The following MEIKIN variants were observed in gnomAD, a reference collection of about 807,000 sequenced individuals.
The protein encoded by MEIKIN is meiosis-specific kinetochore protein.
intron 11 of MEIKIN, among the ~76,000 whole-genome samples, chr5:131,835,194 G>GTATATATA (rs1561726796): frequency 7.9e-5 from 12 of 151,038 alleles, no homozygotes; most frequent in African/African-American, 2.9e-4. Flanking sequence ...ATATATGTGT[G>GTATATATA]TGTGTATATA....
chr5:131,909,951 C>A (rs1006781785), intron 8 of MEIKIN, among the ~76,000 whole-genome samples: 3 of 152,070 alleles, frequency 2.0e-5, no homozygotes, highest in Non-Finnish European at 2.9e-5. Flanking sequence ...GAAAAGGGAA[C>A]CCTCGTATAC....
intron 9 of MEIKIN, among the ~76,000 whole-genome samples, chr5:131,876,807 T>A (rs1750621701): frequency 1.3e-5 from 2 of 151,976 alleles, no homozygotes; most frequent in African/African-American, 4.8e-5. Context: ...CATGGAATAC[T>A]ATGCAGCCAT....
At chr5:131,884,083 A>G (rs2149630307) in intron 8 of MEIKIN, among the ~76,000 whole-genome samples, 1 of 141,518 alleles carries the variant, frequency 7.1e-6, no homozygotes, top group Non-Finnish European at 1.5e-5. Context: ...TTGAAAGTCT[A>G]GGCTACAAGG....
At chr5:131,839,303 T>C (rs1463575737) in intron 11 of MEIKIN, among the ~76,000 whole-genome samples, 1 of 152,136 alleles carries the variant, frequency 6.6e-6, no homozygotes. Flanking sequence ...ATGTGACATG[T>C]GGTGATGAGG....
intron 11 of MEIKIN, among the ~76,000 whole-genome samples, chr5:131,830,758 A>G (rs1749701013): frequency 1.3e-5 from 2 of 152,232 alleles, no homozygotes; most frequent in Admixed American, 1.3e-4. Context: ...CTCCCCTTCA[A>G]TCTAGACTGT....
At position 131,881,337 on chromosome 5, in the gene MEIKIN, C is replaced by T. The variant is rs183190486; in HGVS notation, c.704-2289G>A. On this transcript the variant is annotated intron_variant, in intron 8 of 12. Coordinates refer to ENST00000442687, the MANE Select transcript of MEIKIN (RefSeq NM_001303622.2). ...TTCCTTCCTTAAAACACTCTCCTCT[C>T]CTGGCTTCATCATTCTTTCCTGGTT... 6.4e-3 allele frequency among the ~76,000 whole-genome samples: 976 copies of T among 152,260 alleles called. 3 individuals carry two copies. The highest frequency in any genetic ancestry group is 0.027 in the Middle Eastern group (8 of 294).
chr5:131,876,424 T>G lies in MEIKIN; in HGVS notation c.774+2554A>C, dbSNP rs1010136960. Among the ~76,000 whole-genome samples the G allele has an allele frequency of 2.7e-5, 4 of 150,014 alleles. No individual in the cohort carries two copies. The East Asian group carries it at 5.8e-4, about 22-fold the overall frequency. On this transcript the variant is annotated intron_variant, in intron 9 of 12. Transcript: ENST00000442687. ...TCATCATCACTGGTCATCAGAGAAA[T>G]GCAAATCAAAACCACAATGAGATAC...
chr5:131,872,233 G>A (rs1056702419), intron 9 of MEIKIN, among the ~76,000 whole-genome samples: 83 of 102,786 alleles, frequency 8.1e-4, no homozygotes, highest in African/African-American at 3.0e-3. Context: ...CAATGGCAAA[G>A]AAGTTAAAAA....
At chr5:131,934,840 G>A (rs867810010) in intron 4 of MEIKIN, among the ~76,000 whole-genome samples, 13 of 151,666 alleles carry the variant, frequency 8.6e-5, no homozygotes, top group African/African-American at 2.4e-4. Context: ...GGCAGATCAC[G>A]AGGTCAAGAG....
At chr5:131,930,868 T>A (rs1299132787) in intron 5 of MEIKIN, among the ~76,000 whole-genome samples, 1 of 152,178 alleles carries the variant, frequency 6.6e-6, no homozygotes, top group Non-Finnish European at 1.5e-5. Flanking sequence ...TTTGTTGAAA[T>A]TCTTATTTGG....
At chr5:131,880,925 C>T (rs1474767083) in intron 8 of MEIKIN, among the ~76,000 whole-genome samples, 1 of 152,156 alleles carries the variant, frequency 6.6e-6, no homozygotes, top group Non-Finnish European at 1.5e-5. Flanking sequence ...TTAGGACATA[C>T]TTATCTTAAA....
chr5:131,908,156 T>G (rs1751273977), intron 8 of MEIKIN, among the ~76,000 whole-genome samples: 1 of 152,068 alleles, frequency 6.6e-6, no homozygotes, highest in East Asian at 1.9e-4. Flanking sequence ...GGCCAATATC[T>G]CTGAAGAATA....
At chr5:131,889,160 G>A (rs542643984) in intron 8 of MEIKIN, among the ~76,000 whole-genome samples, 2 of 152,236 alleles carry the variant, frequency 1.3e-5, no homozygotes, top group African/African-American at 4.8e-5. Flanking sequence ...CTCCAGCTTT[G>A]TTCTTTTGGC....
intron 12 of MEIKIN, among the ~76,000 whole-genome samples, chr5:131,809,438 A>G (rs976332770): frequency 5.3e-5 from 8 of 152,196 alleles, no homozygotes; most frequent in African/African-American, 1.9e-4. Context: ...TATTCTTTAC[A>G]TGAGGTGGCA....
chr5:131,837,758 C>A (rs1307094963), intron 11 of MEIKIN, among the ~76,000 whole-genome samples: 2 of 151,982 alleles, frequency 1.3e-5, no homozygotes, highest in Non-Finnish European at 2.9e-5. Flanking sequence ...AGCTTTTGGG[C>A]CAAGAATATG....
At chr5:131,925,670 T>C (rs1580910120) in intron 5 of MEIKIN, among the ~76,000 whole-genome samples, 1 of 152,216 alleles carries the variant, frequency 6.6e-6, no homozygotes, top group East Asian at 1.9e-4. Flanking sequence ...GTGTTTTTTT[T>C]GTTTTTTGTT....
In MEIKIN at chr5:131,836,531, C is replaced by G. The variant is rs925908436; in HGVS notation, c.975+14733G>C. ...TCGCAATAACAGTGTATGACTGTTC[C>G]TTTTTCTCCACAACCTCATCAGCAT... is the stretch of plus-strand genomic sequence containing the variant. On this transcript the variant is annotated intron_variant, in intron 11 of 12. Transcript: ENST00000442687. Among the ~76,000 whole-genome samples the G allele has an allele frequency of 6.6e-5, 10 of 152,220 alleles. No individual in the cohort carries two copies. The South Asian group carries it at 2.1e-3, about 32-fold the overall frequency.
intron 12 of MEIKIN, among the ~76,000 whole-genome samples, chr5:131,817,112 A>T (rs554724369): frequency 6.6e-6 from 1 of 152,282 alleles, no homozygotes; most frequent in African/African-American, 2.4e-5. Flanking sequence ...TGGAGCGAGG[A>T]CATCCATTTT....
At chr5:131,904,045 A>G (rs1317427951) in intron 8 of MEIKIN, among the ~76,000 whole-genome samples, 1 of 152,180 alleles carries the variant, frequency 6.6e-6, no homozygotes, top group Non-Finnish European at 1.5e-5. Context: ...TTTAACCAAG[A>G]TCAAAAAAAG....
Sources: allele counts gnomAD v4.1 joint callset (sites outside exome capture counted in the v4.1 genomes callset), GRCh38; gene constraint gnomAD v4.1.1; transcripts MANE v1.5; gene names NCBI Gene and HGNC (gene_info 2026-07-23, HGNC 2026-07-21).